Variants in SEMA3D observed in about 807,000 individuals in gnomAD.
The protein encoded by SEMA3D is semaphorin 3D, also known as semaphorin-3D.
Under a neutral mutation model 100.1 loss-of-function variants are expected in SEMA3D, and 84 were observed. The ratio of observed to expected loss-of-function variants is 0.84; its 90% CI spans 0.70 to 1.01. SEMA3D has a LOEUF of 1.01. Among genes scored for constraint, SEMA3D ranks in the 50% least tolerant of loss-of-function variants. The probability of loss-of-function intolerance (pLI) is 0.00; values close to 1 mark genes in which losing one functional copy is unlikely to be tolerated. For synonymous variants in SEMA3D, 312 were observed against 320.7 expected (o/e 0.97, Z 0.29); for missense variants, 875 against 934.1 (o/e 0.94, Z 0.82).
the SEMA3D span, among the ~76,000 whole-genome samples, chr7:85,202,144 G>T: frequency 6.6e-6 from 1 of 150,656 alleles, no homozygotes; most frequent in Non-Finnish European, 1.5e-5. Flanking sequence ...TGCCATGCTG[G>T]TGTGCTGCAC....
chr7:85,203,014 GT>G, the SEMA3D span, among the ~76,000 whole-genome samples: 1 of 152,334 alleles, frequency 6.6e-6, no homozygotes, highest in East Asian at 1.9e-4. Context: ...CAGTTCATCT[GT>G]GGTAAAATGA....
chr7:85,134,840 G>A (rs935235854), intron 2 of SEMA3D, among the ~76,000 whole-genome samples: 1 of 151,910 alleles, frequency 6.6e-6, no homozygotes, highest in African/African-American at 2.4e-5. Flanking sequence ...AAAACTTTGT[G>A]TCTCCCCAAG....
chr7:85,093,202 A>G (rs1788449376), intron 4 of SEMA3D, among the ~76,000 whole-genome samples: 1 of 152,074 alleles, frequency 6.6e-6, no homozygotes, highest in African/African-American at 2.4e-5. Flanking sequence ...CTGTAAGTGT[A>G]GTATTCAAAG....
chr7:85,170,366 C>T (rs1435182698), intron 1 of SEMA3D, among the ~76,000 whole-genome samples: 1 of 151,774 alleles, frequency 6.6e-6, no homozygotes, highest in Admixed American at 6.6e-5. Flanking sequence ...TCCAGTCTGA[C>T]CTCAGACTTC....
chr7:85,224,465 T>C, the SEMA3D span, among the ~76,000 whole-genome samples: 1 of 152,144 alleles, frequency 6.6e-6, no homozygotes, highest in South Asian at 2.1e-4. Context: ...AAGTTATGGC[T>C]GAAATTAATT....
chr7:85,190,924 A>C (rs917035329), upstream of SEMA3D, among the ~76,000 whole-genome samples: 3 of 152,074 alleles, frequency 2.0e-5, no homozygotes, highest in African/African-American at 7.2e-5. Context: ...AGGAAGACAT[A>C]GTTATCACTC....
chr7:85,036,124 GA>G (rs143080057), intron 12 of SEMA3D, among the ~76,000 whole-genome samples: 3,270 of 151,166 alleles, frequency 0.022, 130 homozygotes, highest in African/African-American at 0.073. Flanking sequence ...AATCCAAAAT[GA>G]AAAAAAAATT....
intron 1 of SEMA3D, among the ~76,000 whole-genome samples, chr7:85,183,352 C>G (rs1467427118): frequency 3.3e-5 from 5 of 152,182 alleles, no homozygotes; most frequent in African/African-American, 1.2e-4. Flanking sequence ...ATTAATTTAA[C>G]TTCAACCCCA....
chr7:85,073,079 T>G lies in SEMA3D; in HGVS notation c.378A>C (p.Thr126=). 1 of 1,612,214 alleles carries G rather than the reference T, an allele frequency of 6.2e-7. No homozygotes were observed. The highest frequency in any genetic ancestry group is 8.5e-7 in the Non-Finnish European group (1 of 1,179,474). ...GTACTCTGATGAAATTTGCACATTCTGTCTGTTGGGCACAAAAATTAAAAG... is the reference window on the plus strand; with the variant it reads ...GTACTCTGATGAAATTTGCACATTCGGTCTGTTGGGCACAAAAATTAAAAG... The part of the protein sequence containing the change: ...LCKLAGKDAN[T]ECANFIRVLQ... Residue 126 remains threonine, a splice_region_variant and synonymous_variant, in exon 6 of 19, where the codon ACA becomes ACC. Coordinates refer to ENST00000284136, the MANE Select transcript of SEMA3D (RefSeq NM_001384900.1).
At chr7:85,016,636 G>A (rs900707730) in intron 15 of SEMA3D, among the ~76,000 whole-genome samples, 6 of 151,424 alleles carry the variant, frequency 4.0e-5, no homozygotes, top group African/African-American at 9.7e-5. Flanking sequence ...CTTTGATTTT[G>A]TTTTCCAACA....
At chr7:85,221,426 A>G in the SEMA3D span, among the ~76,000 whole-genome samples, 3 of 152,058 alleles carry the variant, frequency 2.0e-5, no homozygotes, top group Admixed American at 6.6e-5. Flanking sequence ...TAAAGTTCAC[A>G]TACTGACCAG....
At chr7:85,012,870 T>A (rs1246207239) in intron 16 of SEMA3D, 24 bp from the exon 17 acceptor site, 2 of 1,590,912 alleles carry the variant, frequency 1.3e-6, no homozygotes, top group Non-Finnish European at 1.7e-6. Context: ...ATTAAACTTA[T>A]TAGAACTTCA....
intron 17 of SEMA3D, among the ~76,000 whole-genome samples, chr7:85,010,033 T>C (rs1789908891): frequency 2.0e-5 from 3 of 151,704 alleles, no homozygotes. Context: ...TTAGATGAGA[T>C]GATCAGGAAA....
the SEMA3D span, among the ~76,000 whole-genome samples, chr7:85,230,771 C>G: frequency 2.0e-5 from 3 of 152,176 alleles, no homozygotes; most frequent in African/African-American, 7.2e-5. Flanking sequence ...ATGTCGTCTA[C>G]TTTCTCAAAC....
At chr7:85,047,040 A>G (rs934700186) in intron 9 of SEMA3D, among the ~76,000 whole-genome samples, 3 of 151,928 alleles carry the variant, frequency 2.0e-5, no homozygotes, top group African/African-American at 7.2e-5. Context: ...CAAAGAAAGT[A>G]TATGTAAACA....
At chr7:85,117,250 T>A (rs1215587715) in intron 3 of SEMA3D, among the ~76,000 whole-genome samples, 1 of 152,158 alleles carries the variant, frequency 6.6e-6, no homozygotes, top group African/African-American at 2.4e-5. Flanking sequence ...AGCCAGATCC[T>A]TACTGCTACA....
intron 16 of SEMA3D, 128 bp downstream of exon 16, chr7:85,014,931 A>T: frequency 1.7e-6 from 1 of 600,542 alleles, no homozygotes; most frequent in Non-Finnish European, 2.6e-6. Flanking sequence ...TTTTGATTTT[A>T]ATATTCCTTC....
intron 2 of SEMA3D, among the ~76,000 whole-genome samples, chr7:85,146,324 G>A (rs914392074): frequency 2.0e-5 from 3 of 152,038 alleles, no homozygotes; most frequent in Non-Finnish European, 1.5e-5. Context: ...GGAGGCTGAG[G>A]CGGGTAGATT....
Position 85,085,731 on chromosome 7 carries a change from C to T in SEMA3D, c.313-4152G>A, listed in dbSNP as rs181717517. On this transcript the variant is annotated intron_variant, in intron 4 of 18. Coordinates refer to ENST00000284136, the MANE Select transcript of SEMA3D (RefSeq NM_001384900.1). ...TTGATCCTCTGTTTTAAAGTACTTG[C>T]TCTTAATAGTTTCAACTCTAATATA... 2.4e-3 allele frequency among the ~76,000 whole-genome samples: 364 copies of T among 152,228 alleles called. 1 individual carries two copies. The highest frequency in any genetic ancestry group is 8.4e-3 in the African/African-American group (347 of 41,528).
Sources: allele counts gnomAD v4.1 joint callset (sites outside exome capture counted in the v4.1 genomes callset), GRCh38; gene constraint gnomAD v4.1.1; transcripts MANE v1.5; gene names NCBI Gene and HGNC (gene_info 2026-07-23, HGNC 2026-07-21).